Variants in A2M observed in about 807,000 individuals in gnomAD.
A2M encodes the protein C3 and PZP-like alpha-2-macroglobulin domain-containing protein 5.
In A2M, 128 loss-of-function variants were observed where a neutral mutation model predicts 183.9. The ratio of observed to expected loss-of-function variants is 0.70; its 90% CI spans 0.60 to 0.81. The LOEUF (loss-of-function observed/expected upper bound fraction) is 0.81, where lower values mean the gene tolerates loss of function less well. A2M is among the 30% of genes least tolerant of loss of function. The pLI is 0.00. For synonymous variants in A2M, 592 were observed against 670.8 expected (o/e 0.88, Z 1.81); for missense variants, 1,495 against 1,787.6 (o/e 0.84, Z 2.95).
chr12:9,089,357 C>T (rs879133555), intron 21 of A2M, 106 bp from the exon 22 acceptor site: 11 of 830,176 alleles, frequency 1.3e-5, no homozygotes, highest in South Asian at 3.1e-5. Flanking sequence ...AGGATTTGAA[C>T]TGTATTATCT....
At chr12:9,100,557 G>A (rs1476573186) in intron 13 of A2M, among the ~76,000 whole-genome samples, 1 of 151,994 alleles carries the variant, frequency 6.6e-6, no homozygotes, top group Non-Finnish European at 1.5e-5. Flanking sequence ...GGGATTACAG[G>A]CGTAAGCCAT....
chr12:9,102,531 T>C (rs766994280), intron 11 of A2M, among the ~76,000 whole-genome samples: 7 of 152,280 alleles, frequency 4.6e-5, no homozygotes, highest in African/African-American at 1.7e-4. Context: ...TGACTATTTT[T>C]AATGCTCCCT....
intron 4 of A2M, among the ~76,000 whole-genome samples, chr12:9,110,950 A>G (rs887809575): frequency 2.6e-5 from 4 of 152,168 alleles, no homozygotes; most frequent in African/African-American, 7.2e-5. Flanking sequence ...GTGAAGATCA[A>G]TCCTTTGCTA....
chr12:9,068,147 C>T, intron 35 of A2M, 36 bp downstream of exon 35: 1 of 1,611,608 alleles, frequency 6.2e-7, no homozygotes. Context: ...GCTGAAGGAG[C>T]TCTGACTGCC....
At chr12:9,077,074 A>G (rs151147336) in intron 27 of A2M, 138 bp from the exon 28 acceptor site, 1 of 755,762 alleles carries the variant, frequency 1.3e-6, no homozygotes. Context: ...AATAGATATA[A>G]TATTATTTTT....
intron 4 of A2M, chr12:9,111,605 T>A: frequency 2.2e-6 from 1 of 450,302 alleles, no homozygotes; most frequent in South Asian, 1.6e-5. Context: ...TAATCTTTTG[T>A]CTTTGGAGCT....
At chr12:9,102,197 G>T (rs1022407432) in intron 11 of A2M, among the ~76,000 whole-genome samples, 16 of 152,088 alleles carry the variant, frequency 1.1e-4, no homozygotes, top group Admixed American at 8.5e-4. Context: ...CCTCTTCTGG[G>T]CTATCTTAGG....
At position 9,080,077 on chromosome 12, in the gene A2M, A is replaced by G. The variant is rs1948864685; in HGVS notation, c.2854+17T>C. 6.5e-7 allele frequency: 1 copy of G among 1,542,148 alleles called. No individual in the cohort carries two copies. Among genetic ancestry groups the G allele is most frequent in the Non-Finnish European group, 8.8e-7 (1 of 1,136,830 alleles). On this transcript the variant is annotated intron_variant, in intron 23 of 35. Transcript: ENST00000318602. Reference sequence around the variant, plus strand: ...GAAGCTGTTAATGCCCGGATCCACTAGGGGCTGGAGACTCACCCAAAACTG... The same window carrying G: ...GAAGCTGTTAATGCCCGGATCCACTGGGGGCTGGAGACTCACCCAAAACTG...
chr12:9,100,651 GA>G (rs927085099), intron 13 of A2M, among the ~76,000 whole-genome samples: 10 of 152,012 alleles, frequency 6.6e-5, no homozygotes, highest in Admixed American at 6.5e-4. Context: ...TAAAGGGTGA[GA>G]AAAAAACCAT....
chr12:9,111,998 T>C (rs1391391252), intron 4 of A2M, 161 bp downstream of exon 4: 4 of 794,402 alleles, frequency 5.0e-6, no homozygotes, highest in Non-Finnish European at 9.2e-6. Context: ...TTTCTTTACC[T>C]GGAATGATGT....
Position 9,107,382 on chromosome 12 carries a change from GA to G in A2M, c.879+141del, listed in dbSNP as rs1362636940. 2.0e-5 allele frequency: 21 copies of G among 1,038,778 alleles called. No individual in the cohort carries two copies. The African/African-American group carries it at 2.3e-4, about 11-fold the overall frequency. 64.3% of individuals were successfully genotyped at this position (1,038,778 alleles called of 1,614,324 possible). On this transcript the variant is annotated intron_variant, in intron 8 of 35. Coordinates refer to ENST00000318602, the MANE Select transcript of A2M (RefSeq NM_000014.6). ...ATAATTCCCATTGTGCTAAGTTCAT[GA>G]TTTTTTTTGAAAAATTACAATAGCC... is the stretch of plus-strand genomic sequence containing the variant.
chr12:9,094,980 AC>A lies in A2M; in HGVS notation c.2117del (p.Gly706ValfsTer7). 1 of 1,535,036 alleles carries A rather than the reference AC, an allele frequency of 6.5e-7. No homozygotes were observed. Among genetic ancestry groups the A allele is most frequent in the Non-Finnish European group, 8.8e-7 (1 of 1,139,402 alleles). ...EMHGPEGLRV[G>X]FYESDVMGRG... ...TATTAATTTTTTGTTTACCATAAAAACCTACACGTAGACCTTCAGGTCCATG... is the reference window on the plus strand; with the variant it reads ...TATTAATTTTTTGTTTACCATAAAAACTACACGTAGACCTTCAGGTCCATG... On this transcript the variant is annotated frameshift_variant, in exon 17 of 36. Coordinates refer to ENST00000318602, the MANE Select transcript of A2M (RefSeq NM_000014.6). LOFTEE classifies it high-confidence loss of function.
Position 9,076,941 on chromosome 12 carries a change from G to T in A2M, c.3352-5C>A, listed in dbSNP as rs1948765818. 6.4e-7 allele frequency: 1 copy of T among 1,573,148 alleles called. No individual in the cohort carries two copies. Among genetic ancestry groups the T allele is most frequent in the South Asian group, 1.2e-5 (1 of 84,094 alleles). On this transcript the variant is annotated splice_region_variant and splice_polypyrimidine_tract_variant and intron_variant, in intron 27 of 35. Coordinates refer to ENST00000318602, the MANE Select transcript of A2M (RefSeq NM_000014.6). ...GGCATTGCGGACAACAGGGTGCTGT[G>T]AAGGCAGAACAAGAAGGGAACTAAG...
intron 31 of A2M, 137 bp downstream of exon 31, chr12:9,072,222 T>C: frequency 1.0e-6 from 1 of 1,004,216 alleles, no homozygotes; most frequent in Non-Finnish European, 1.5e-6. Flanking sequence ...AGAAATTATA[T>C]CAACTTAAGA....
intron 7 of A2M, 99 bp from the exon 8 acceptor site, chr12:9,107,743 CTG>C: frequency 7.2e-7 from 1 of 1,381,886 alleles, no homozygotes; most frequent in Non-Finnish European, 1.0e-6. Flanking sequence ...TATTCCCTGT[CTG>C]TACTTCCCTC....
At chr12:9,111,341 T>C (rs1393521188) in intron 4 of A2M, among the ~76,000 whole-genome samples, 1 of 152,044 alleles carries the variant, frequency 6.6e-6, no homozygotes, top group African/African-American at 2.4e-5. Flanking sequence ...TAAGTGCAAA[T>C]AGAAAAACAA....
intron 4 of A2M, among the ~76,000 whole-genome samples, chr12:9,111,365 T>C (rs1343947226): frequency 1.3e-5 from 2 of 152,194 alleles, no homozygotes; most frequent in African/African-American, 2.4e-5. Context: ...CAAGTTAGGC[T>C]GACAGAGTGA....
At chr12:9,069,093 T>C (rs1224829385) in intron 33 of A2M, 2 of 303,604 alleles carry the variant, frequency 6.6e-6, no homozygotes, top group Admixed American at 4.8e-5. Flanking sequence ...GGGTAAATGA[T>C]ATATACTTTT....
chr12:9,090,055 A>C, intron 20 of A2M, 32 bp from the exon 21 acceptor site: 2 of 1,575,350 alleles, frequency 1.3e-6, no homozygotes, highest in African/African-American at 1.3e-5. Context: ...AATGAATAGC[A>C]TCTTCCCCTT....
Sources: gnomAD v4.1 joint callset for allele counts (sites outside exome capture counted in the v4.1 genomes callset) on GRCh38, gnomAD v4.1.1 for gene constraint, MANE v1.5 for transcripts, NCBI Gene and HGNC (gene_info 2026-07-23, HGNC 2026-07-21) for gene names.